Variants in PLXNA4 observed in about 807,000 individuals in gnomAD.
PLXNA4 encodes the protein plexin-A4.
Under a neutral mutation model 191.8 loss-of-function variants are expected in PLXNA4, and 44 were observed. That is an observed-to-expected ratio of 0.23 (90% CI 0.18 to 0.29). PLXNA4 has a LOEUF of 0.29. PLXNA4 is among the 10% of genes least tolerant of loss of function. The probability of loss-of-function intolerance (pLI) is 1.00; values close to 1 mark genes in which losing one functional copy is unlikely to be tolerated. For missense variants in PLXNA4, 1,800 were observed against 2,488.8 expected, an observed-to-expected ratio of 0.72 and a Z score of 5.89; for synonymous variants, 1,082 against 1,009.5, an observed-to-expected ratio of 1.07 and a Z score of -1.36.
At chr7:132,538,514 C>T (rs562781255) in intron 1 of PLXNA4, among the ~76,000 whole-genome samples, 47 of 152,330 alleles carry the variant, frequency 3.1e-4, no homozygotes, top group Non-Finnish European at 5.7e-4. Flanking sequence ...CCTAAGGCTG[C>T]CCTGGACTCC....
At chr7:132,536,169 A>G (rs1287150148) in intron 1 of PLXNA4, among the ~76,000 whole-genome samples, 1 of 152,204 alleles carries the variant, frequency 6.6e-6, no homozygotes, top group Non-Finnish European at 1.5e-5. Flanking sequence ...AAATGAGTTA[A>G]TAAGTGTAAA....
At chr7:132,305,192 G>C (rs532330239) in intron 3 of PLXNA4, among the ~76,000 whole-genome samples, 106 of 152,218 alleles carry the variant, frequency 7.0e-4, no homozygotes, top group African/African-American at 2.2e-3. Context: ...ATCTGGGGCT[G>C]GGGGCAGCAA....
intron 14 of PLXNA4, among the ~76,000 whole-genome samples, chr7:132,189,836 G>A (rs1316672020): frequency 6.6e-6 from 1 of 152,152 alleles, no homozygotes; most frequent in Non-Finnish European, 1.5e-5. Context: ...TCTGTGTGAG[G>A]GATGGGGGTG....
chr7:132,292,697 C>T (rs1457548782), intron 4 of PLXNA4, among the ~76,000 whole-genome samples: 1 of 152,134 alleles, frequency 6.6e-6, no homozygotes, highest in Non-Finnish European at 1.5e-5. Context: ...GAGACAAGGT[C>T]CCTGCCCTCC....
chr7:132,506,570 A>T (rs1798472719), intron 2 of PLXNA4, among the ~76,000 whole-genome samples: 1 of 152,196 alleles, frequency 6.6e-6, no homozygotes, highest in African/African-American at 2.4e-5. Flanking sequence ...TCACCCAAAG[A>T]ATGATAGTGA....
intron 3 of PLXNA4, among the ~76,000 whole-genome samples, chr7:132,447,686 C>T (rs1795961033): frequency 6.6e-6 from 1 of 152,146 alleles, no homozygotes; most frequent in Non-Finnish European, 1.5e-5. Context: ...GTGAGCATCT[C>T]TCCTAAGTTT....
rs375613371 is a variant in PLXNA4, at chr7:132,203,432, C to T, written c.2299-13G>A. On this transcript the variant is annotated splice_polypyrimidine_tract_variant and intron_variant, in intron 10 of 31. Transcript: ENST00000321063. The stretch of plus-strand genomic sequence containing the variant: ...CTTCATAGGAATACTGCAGCCAGGT[C>T]GGGGAGGAGGAAAGAAGAAAGTGGG... 4.2e-5 allele frequency: 68 copies of T among 1,612,140 alleles called. No homozygotes were observed. Among genetic ancestry groups the T allele is most frequent in the South Asian group, 2.2e-4 (20 of 91,032 alleles).
intron 2 of PLXNA4, among the ~76,000 whole-genome samples, chr7:132,592,289 G>A (rs1312682609): frequency 5.3e-5 from 8 of 152,092 alleles, no homozygotes; most frequent in African/African-American, 1.2e-4. Flanking sequence ...TCACCTCTGC[G>A]GTGGACAAGA....
chr7:132,388,893 C>T (rs540378180), intron 3 of PLXNA4, among the ~76,000 whole-genome samples: 1 of 152,134 alleles, frequency 6.6e-6, no homozygotes, highest in African/African-American at 2.4e-5. Flanking sequence ...TGGCAAGTCC[C>T]ATAACATGAG....
chr7:132,341,269 A>G (rs1255511523), intron 3 of PLXNA4, among the ~76,000 whole-genome samples: 1 of 152,200 alleles, frequency 6.6e-6, no homozygotes, highest in Non-Finnish European at 1.5e-5. Flanking sequence ...TGGGTTTTGC[A>G]GCCTTTAACA....
chr7:132,385,275 G>T, intron 3 of PLXNA4: 2 of 1,613,722 alleles, frequency 1.2e-6, no homozygotes, highest in Middle Eastern at 1.7e-4. Context: ...CAAGGGTAGG[G>T]CAGAGGCTGG....
intron 1 of PLXNA4, among the ~76,000 whole-genome samples, chr7:132,567,652 A>G (rs928986122): frequency 1.3e-5 from 2 of 152,220 alleles, no homozygotes; most frequent in African/African-American, 4.8e-5. Context: ...GCAAATATTT[A>G]TCAATTGCTT....
chr7:132,612,433 G>A (rs1248654676), intron 2 of PLXNA4, among the ~76,000 whole-genome samples: 1 of 152,040 alleles, frequency 6.6e-6, no homozygotes, highest in Non-Finnish European at 1.5e-5. Context: ...GACTGAGGTG[G>A]GCAGATCACT....
intron 1 of PLXNA4, among the ~76,000 whole-genome samples, chr7:132,547,706 G>A (rs1424196163): frequency 6.6e-6 from 1 of 152,108 alleles, no homozygotes; most frequent in Non-Finnish European, 1.5e-5. Flanking sequence ...AAAACAGGGA[G>A]GCAGTCAAAG....
intron 4 of PLXNA4, among the ~76,000 whole-genome samples, chr7:132,254,808 C>T (rs1306136892): frequency 1.3e-5 from 2 of 152,188 alleles, no homozygotes; most frequent in South Asian, 2.1e-4. Flanking sequence ...ACATTTTGCG[C>T]ATCTGGGGAG....
At chr7:132,520,871 G>A (rs1235255140) in intron 1 of PLXNA4, among the ~76,000 whole-genome samples, 1 of 151,956 alleles carries the variant, frequency 6.6e-6, no homozygotes, top group Admixed American at 6.5e-5. Context: ...GGCACTGTGG[G>A]GGAGCAGGCT....
intron 2 of PLXNA4, among the ~76,000 whole-genome samples, chr7:132,588,991 A>C (rs928583655): frequency 5.3e-5 from 8 of 152,200 alleles, no homozygotes; most frequent in African/African-American, 1.9e-4. Flanking sequence ...TCATGGGACT[A>C]TAAAGATTTT....
intron 2 of PLXNA4, among the ~76,000 whole-genome samples, chr7:132,616,626 T>C (rs1358258402): frequency 1.3e-5 from 2 of 152,170 alleles, no homozygotes; most frequent in African/African-American, 4.8e-5. Flanking sequence ...ATACTACAAA[T>C]AGACATTATA....
chr7:132,490,004 T>C (rs1797723484), intron 2 of PLXNA4, among the ~76,000 whole-genome samples: 1 of 152,216 alleles, frequency 6.6e-6, no homozygotes, highest in South Asian at 2.1e-4. Flanking sequence ...ACTAGGGAAC[T>C]GAAAACATTA....
Sources: gnomAD v4.1 joint callset for allele counts (sites outside exome capture counted in the v4.1 genomes callset) on GRCh38, gnomAD v4.1.1 for gene constraint, MANE v1.5 for transcripts, NCBI Gene and HGNC (gene_info 2026-07-23, HGNC 2026-07-21) for gene names.